The following CTDSPL variants were observed in gnomAD, a reference collection of about 807,000 sequenced individuals.
CTDSPL encodes the protein CTD small phosphatase-like protein.
Under a neutral mutation model 30.5 loss-of-function variants are expected in CTDSPL, and 8 were observed. The observed-to-expected ratio is 0.26, with a 90% CI of 0.15 to 0.47. CTDSPL has a LOEUF of 0.47. Ranked by LOEUF, CTDSPL falls within the 20% of genes least tolerant of loss-of-function variation. The pLI is 0.99. For missense variants in CTDSPL, 248 were observed against 366.1 expected (o/e 0.68, Z 2.63); for synonymous variants, 110 against 137.9 (o/e 0.80, Z 1.42).
chr3:37,880,716 T>C (rs539156806), intron 1 of CTDSPL, among the ~76,000 whole-genome samples: 174 of 152,358 alleles, frequency 1.1e-3, no homozygotes, highest in Non-Finnish European at 2.3e-3. Flanking sequence ...TTACACACTA[T>C]ATCTAGGTGT....
At chr3:37,881,843 G>A (rs1698208719) in intron 1 of CTDSPL, among the ~76,000 whole-genome samples, 1 of 152,138 alleles carries the variant, frequency 6.6e-6, no homozygotes, top group African/African-American at 2.4e-5. Context: ...AGGAAAGGAG[G>A]GATAGGGATC....
At chr3:37,948,815 T>C (rs1280065762) in intron 2 of CTDSPL, among the ~76,000 whole-genome samples, 1 of 116,350 alleles carries the variant, frequency 8.6e-6, no homozygotes, top group Non-Finnish European at 1.8e-5. Context: ...TTTCTTTTTT[T>C]TTTTTTTTTT....
In CTDSPL at chr3:37,964,566, T is replaced by G. The variant is rs1319148103; in HGVS notation, c.268-5T>G. On this transcript the variant is annotated splice_polypyrimidine_tract_variant and splice_region_variant and intron_variant, in intron 3 of 7. Coordinates refer to ENST00000273179, the MANE Select transcript of CTDSPL (RefSeq NM_001008392.2). The stretch of plus-strand genomic sequence containing the variant: ...ATGTAATACTGATTTATTTTTCCCC[T>G]TTAGCCACCAGCTAAGTACCTTCTT... The G allele has an allele frequency of 2.5e-6, 4 of 1,606,436 alleles. No individual in the cohort carries two copies. The highest frequency in any genetic ancestry group is 1.1e-5 in the South Asian group (1 of 90,856).
intron 2 of CTDSPL, among the ~76,000 whole-genome samples, chr3:37,955,466 C>T (rs749823050): frequency 2.6e-5 from 4 of 152,158 alleles, no homozygotes; most frequent in Non-Finnish European, 4.4e-5. Context: ...CCCAAATAGG[C>T]TGTGAGCTTC....
At chr3:37,908,139 C>T (rs115542742) in intron 1 of CTDSPL, among the ~76,000 whole-genome samples, 3,374 of 152,318 alleles carry the variant, frequency 0.022, 63 homozygotes, top group South Asian at 0.037. Flanking sequence ...ACAGCACAAA[C>T]GCTGCCTAGA....
intron 7 of CTDSPL, 70 bp from the exon 8 acceptor site, chr3:37,980,672 C>G: frequency 6.4e-7 from 1 of 1,555,684 alleles, no homozygotes; most frequent in Middle Eastern, 1.7e-4. Context: ...GTCCGGGTAC[C>G]CGGTTAGGTT....
At chr3:37,961,031 T>G (rs1699239489) in intron 3 of CTDSPL, among the ~76,000 whole-genome samples, 1 of 152,224 alleles carries the variant, frequency 6.6e-6, no homozygotes, top group South Asian at 2.1e-4. Flanking sequence ...ATTTTATATT[T>G]TCTTCTAGTA....
At chr3:37,980,343 T>C (rs1395831563) in intron 7 of CTDSPL, among the ~76,000 whole-genome samples, 1 of 152,232 alleles carries the variant, frequency 6.6e-6, no homozygotes. Context: ...AGCTCCGCGC[T>C]GTCAGTGGTT....
At chr3:37,885,153 G>A (rs537179378) in intron 1 of CTDSPL, among the ~76,000 whole-genome samples, 1 of 152,332 alleles carries the variant, frequency 6.6e-6, no homozygotes, top group South Asian at 2.1e-4. Flanking sequence ...TGGGAGAAGA[G>A]TGAATTAGAG....
At chr3:37,937,447 C>T (rs1395849794) in intron 1 of CTDSPL, among the ~76,000 whole-genome samples, 4 of 150,414 alleles carry the variant, frequency 2.7e-5, no homozygotes, top group Non-Finnish European at 4.5e-5. Context: ...CTCCTCCTCA[C>T]GTTTGCCCTC....
At chr3:37,956,086 A>G (rs1288292299) in intron 2 of CTDSPL, among the ~76,000 whole-genome samples, 30 of 152,248 alleles carry the variant, frequency 2.0e-4, no homozygotes, top group Non-Finnish European at 4.4e-5. Context: ...TGAAAAAGGA[A>G]GGAACTGTGG....
At chr3:37,968,091 T>G in intron 5 of CTDSPL, 1 of 532,552 alleles carries the variant, frequency 1.9e-6, no homozygotes, top group Non-Finnish European at 3.3e-6. Flanking sequence ...GTCGTAAATA[T>G]TAGATGCGGT....
chr3:37,924,111 C>T (rs1698752768), intron 1 of CTDSPL, among the ~76,000 whole-genome samples: 2 of 152,348 alleles, frequency 1.3e-5, no homozygotes, highest in South Asian at 4.1e-4. Flanking sequence ...GCATTCAACC[C>T]GGTCCAAGGT....
In CTDSPL at chr3:37,975,643, G is replaced by T; in HGVS notation, c.520-66G>T. ...TAAAAAACGTAATCTGGATCTTGCT[G>T]CTGTAGTTCAGGGTTTGGGGGGCTC... is the stretch of plus-strand genomic sequence containing the variant. On this transcript the variant is annotated intron_variant, in intron 6 of 7. Coordinates refer to ENST00000273179, the MANE Select transcript of CTDSPL (RefSeq NM_001008392.2). This position sits in a 1 kb window ranked among gnomAD's most constrained non-coding sequence, Gnocchi z 4.9. 20 of 1,381,236 alleles carry T rather than the reference G, an allele frequency of 1.4e-5. No homozygotes were observed. The South Asian group carries it at 2.6e-4, about 18-fold the overall frequency. 85.6% of individuals were successfully genotyped at this position (1,381,236 alleles called of 1,614,324 possible).
At chr3:37,929,969 A>G (rs1008071770) in intron 1 of CTDSPL, among the ~76,000 whole-genome samples, 1 of 152,040 alleles carries the variant, frequency 6.6e-6, no homozygotes, top group South Asian at 2.1e-4. Context: ...TTAGCTGGGC[A>G]TGGTGGTGCG....
Position 37,931,853 on chromosome 3 carries a change from TAAACTA to T in CTDSPL, c.80-15203_80-15198del, listed in dbSNP as rs1698858685. 2.0e-5 allele frequency among the ~76,000 whole-genome samples: 3 copies of T among 152,212 alleles called. No homozygotes were observed. The South Asian group carries it at 6.2e-4, about 32-fold the overall frequency. On this transcript the variant is annotated intron_variant, in intron 1 of 7. Coordinates refer to ENST00000273179, the MANE Select transcript of CTDSPL (RefSeq NM_001008392.2). ...TTATTTAACTGCTTTAAAAAAGAAT[TAAACTA>T]GAATTAGTAAATGTGTGTTCCACAA...
At chr3:37,949,590 G>A (rs1335221945) in intron 2 of CTDSPL, among the ~76,000 whole-genome samples, 3 of 152,216 alleles carry the variant, frequency 2.0e-5, no homozygotes, top group East Asian at 3.8e-4. Flanking sequence ...GATGGATGCC[G>A]AAATATGAAG....
At position 37,939,935 on chromosome 3, in the gene CTDSPL, T is replaced by C. The variant is rs1698958789; in HGVS notation, c.80-7122T>C. 2.0e-5 allele frequency among the ~76,000 whole-genome samples: 3 copies of C among 149,726 alleles called. 1 individual carries two copies. Among genetic ancestry groups the C allele is most frequent in the Non-Finnish European group, 3.0e-5 (2 of 66,806 alleles). ...GGTGAAACCCCGTCTCTACTAAAAA[T>C]ACAAAAATTAGCCGGGCTTGGTGGC... On this transcript the variant is annotated intron_variant, in intron 1 of 7. Coordinates refer to ENST00000273179, the MANE Select transcript of CTDSPL (RefSeq NM_001008392.2).
intron 6 of CTDSPL, among the ~76,000 whole-genome samples, chr3:37,974,348 T>C (rs553676270): frequency 7.9e-5 from 12 of 152,338 alleles, no homozygotes; most frequent in African/African-American, 2.9e-4. Flanking sequence ...TGCTTGCAGC[T>C]TTGCAGCCCA....
Sources: gnomAD v4.1 joint callset for allele counts (sites outside exome capture counted in the v4.1 genomes callset) on GRCh38, gnomAD v4.1.1 for gene constraint, Gnocchi (gnomAD v3.1) non-coding constraint, MANE v1.5 for transcripts, NCBI Gene and HGNC (gene_info 2026-07-23, HGNC 2026-07-21) for gene names.